Variants in RBPJ observed in about 807,000 individuals in gnomAD.
The protein encoded by RBPJ is recombining binding protein suppressor of hairless.
A neutral mutation model predicts 67.8 loss-of-function variants in RBPJ; 9 were observed. That is an observed-to-expected ratio of 0.13 (90% CI 0.08 to 0.23). The LOEUF (loss-of-function observed/expected upper bound fraction) is 0.23. Among genes scored for constraint, RBPJ ranks in the 10% least tolerant of loss-of-function variants. The pLI, the probability that RBPJ is intolerant of heterozygous loss-of-function variation, is 1.00. For synonymous variants in RBPJ, 198 were observed against 203.3 expected (o/e 0.97, Z 0.22); for missense variants, 305 against 595.6 (o/e 0.51, Z 5.08).
At position 26,331,847 on chromosome 4, in the gene RBPJ, C is replaced by G. The variant is rs1724300299; in HGVS notation, c.20+10799C>G. Among the ~76,000 whole-genome samples, 3 of 152,278 alleles carry G rather than the reference C, an allele frequency of 2.0e-5. No individual in the cohort carries two copies. The South Asian group carries it at 6.2e-4, about 32-fold the overall frequency. On this transcript the variant is annotated intron_variant, in intron 1 of 10. Transcript: ENST00000355476. ...AATTGCAGCTGGCTGTTTCCACAGC[C>G]TCTGGAAGGGAAGATGGAAGGACAG...
At chr4:26,240,294 T>C (rs1719593739) in intron 1 of RBPJ, among the ~76,000 whole-genome samples, 1 of 152,254 alleles carries the variant, frequency 6.6e-6, no homozygotes, top group Non-Finnish European at 1.5e-5. Flanking sequence ...TCTTCTTTCT[T>C]ACCTTGACTT....
intron 1 of RBPJ, among the ~76,000 whole-genome samples, chr4:26,239,290 T>G (rs973872674): frequency 2.6e-5 from 4 of 152,238 alleles, no homozygotes; most frequent in Admixed American, 2.6e-4. Flanking sequence ...ATCCGCTGCC[T>G]GGAGCAGGTT....
intron 1 of RBPJ, among the ~76,000 whole-genome samples, chr4:26,384,770 T>C (rs1730644611): frequency 6.7e-6 from 1 of 148,820 alleles, no homozygotes; most frequent in Non-Finnish European, 1.5e-5. Context: ...CACTATTCCC[T>C]CTCCTCCTCT....
chr4:26,342,348 G>A (rs1424345927), intron 1 of RBPJ, among the ~76,000 whole-genome samples: 1 of 151,954 alleles, frequency 6.6e-6, no homozygotes, highest in African/African-American at 2.4e-5. Flanking sequence ...CGTTTGGTGA[G>A]GGAGGTAGTA....
chr4:26,294,972 A>T (rs1181552521), intron 1 of RBPJ, among the ~76,000 whole-genome samples: 3 of 152,126 alleles, frequency 2.0e-5, no homozygotes, highest in Admixed American at 6.5e-5. Flanking sequence ...GGAAAGAGGA[A>T]TCAGGGATAA....
In RBPJ at chr4:26,398,395, G is replaced by A. The variant is rs118040422; in HGVS notation, c.60-7780G>A. ...TGGCGATTAGCACCATAAGGACACC[G>A]CAAACTCACCGCTATAATTAATGTC... On this transcript the variant is annotated intron_variant, in intron 2 of 10. Coordinates refer to ENST00000355476, the MANE Select transcript of RBPJ (RefSeq NM_015874.6). Among the ~76,000 whole-genome samples, 136 of 152,236 alleles carry A rather than the reference G, an allele frequency of 8.9e-4. No homozygotes were observed. In the East Asian group the frequency reaches 0.019, roughly 21 times the overall value.
intron 1 of RBPJ, among the ~76,000 whole-genome samples, chr4:26,353,563 A>G (rs930772086): frequency 6.6e-6 from 1 of 151,952 alleles, no homozygotes; most frequent in South Asian, 2.1e-4. Context: ...TACTTCAAAT[A>G]TACTAATAAA....
At chr4:26,404,256 G>A (rs1045145583) in intron 2 of RBPJ, among the ~76,000 whole-genome samples, 1 of 151,802 alleles carries the variant, frequency 6.6e-6, no homozygotes, top group African/African-American at 2.4e-5. Flanking sequence ...GTAAATTTAA[G>A]TTCCTTATAG....
At chr4:26,118,423 C>A in the RBPJ span, among the ~76,000 whole-genome samples, 1 of 152,346 alleles carries the variant, frequency 6.6e-6, no homozygotes, top group Admixed American at 6.5e-5. Flanking sequence ...CTCCAGCCAA[C>A]TGTGGCCAAA....
At chr4:26,129,801 T>C in the RBPJ span, among the ~76,000 whole-genome samples, 3 of 152,096 alleles carry the variant, frequency 2.0e-5, no homozygotes, top group Non-Finnish European at 4.4e-5. Context: ...AGGATGGAGG[T>C]GGACATCACC....
chr4:26,396,918 T>G (rs1027766528), intron 2 of RBPJ, among the ~76,000 whole-genome samples: 2 of 152,208 alleles, frequency 1.3e-5, no homozygotes, highest in Non-Finnish European at 2.9e-5. Context: ...CTCAATGTTT[T>G]ATTGTGTTAC....
chr4:26,316,324 C>CAT (rs1218930010), upstream of RBPJ, among the ~76,000 whole-genome samples: 1 of 146,104 alleles, frequency 6.8e-6, no homozygotes, highest in Non-Finnish European at 1.5e-5. Context: ...TATACATATT[C>CAT]ATATATATAC....
chr4:26,205,997 A>AT (rs35294117), intron 1 of RBPJ, among the ~76,000 whole-genome samples: 344 of 151,900 alleles, frequency 2.3e-3, no homozygotes, highest in African/African-American at 8.0e-3. Context: ...ATATATGCGT[A>AT]TTTTTTTTAT....
chr4:26,108,143 T>A, the RBPJ span, among the ~76,000 whole-genome samples: 3 of 152,172 alleles, frequency 2.0e-5, no homozygotes, highest in Non-Finnish European at 4.4e-5. Context: ...TGCCACTAGC[T>A]CTTAAATCAG....
At chr4:26,247,568 G>A (rs936520073) in intron 1 of RBPJ, among the ~76,000 whole-genome samples, 5 of 151,912 alleles carry the variant, frequency 3.3e-5, no homozygotes, top group Admixed American at 2.6e-4. Context: ...GCGCCACCGC[G>A]TCCGGCTAAT....
intron 1 of RBPJ, among the ~76,000 whole-genome samples, chr4:26,381,553 GAAATT>G (rs1489534342): frequency 6.6e-6 from 1 of 152,148 alleles, no homozygotes; most frequent in Non-Finnish European, 1.5e-5. Flanking sequence ...GAAAGCTAGT[GAAATT>G]AAAGTAAAAT....
At chr4:26,109,642 GTCTCTCTCTCTC>G in the RBPJ span, among the ~76,000 whole-genome samples, 3 of 7,118 alleles carry the variant, frequency 4.2e-4, 1 homozygote, top group African/African-American at 9.1e-4. Flanking sequence ...CTCTCTCTCT[GTCTCTCTCTCTC>G]TCTCTCTCTC....
chr4:26,189,821 A>G (rs192241126), intron 1 of RBPJ, among the ~76,000 whole-genome samples: 156 of 152,376 alleles, frequency 1.0e-3, no homozygotes, highest in African/African-American at 3.5e-3. Context: ...TGCTATGTTC[A>G]TTGAAGAGTC....
chr4:26,193,856 C>T (rs540984194), intron 1 of RBPJ, among the ~76,000 whole-genome samples: 4 of 152,132 alleles, frequency 2.6e-5, no homozygotes, highest in Non-Finnish European at 5.9e-5. Flanking sequence ...ATACCTGGCC[C>T]CTATTGCCTT....
Sources: gnomAD v4.1 joint callset for allele counts (sites outside exome capture counted in the v4.1 genomes callset) on GRCh38, gnomAD v4.1.1 for gene constraint, MANE v1.5 for transcripts, NCBI Gene and HGNC (gene_info 2026-07-23, HGNC 2026-07-21) for gene names.